MINDY2: variants seen among roughly 807,000 people sequenced by gnomAD.
The protein encoded by MINDY2 is MINDY lysine 48 deubiquitinase 2.
MINDY2 carries 52 observed loss-of-function variants against 68.2 expected under a neutral mutation model. The ratio of observed to expected loss-of-function variants is 0.76; its 90% confidence interval spans 0.61 to 0.96. The LOEUF is 0.96. Ranked by LOEUF, MINDY2 falls within the 40% of genes least tolerant of loss-of-function variation. The probability of loss-of-function intolerance (pLI) is 0.00; values close to 1 mark genes in which losing one functional copy is unlikely to be tolerated. For missense variants in MINDY2, 881 were observed against 773.4 expected (o/e 1.14, Z -1.65); for synonymous variants, 372 against 303.0 (o/e 1.23, Z -2.36).
At chr15:58,805,930 C>T (rs571630378) in intron 3 of MINDY2, among the ~76,000 whole-genome samples, 40 of 152,228 alleles carry the variant, frequency 2.6e-4, no homozygotes, top group Non-Finnish European at 4.4e-4. Context: ...AAAAAATTAG[C>T]TGGGCGTGGT....
chr15:58,806,470 A>G (rs891075584), intron 3 of MINDY2, among the ~76,000 whole-genome samples: 1 of 148,734 alleles, frequency 6.7e-6, no homozygotes, highest in African/African-American at 2.5e-5. Context: ...TGATCTGCTC[A>G]CTTCAGCCTC....
intron 3 of MINDY2, among the ~76,000 whole-genome samples, chr15:58,807,052 A>G (rs754969558): frequency 6.6e-5 from 10 of 152,202 alleles, no homozygotes; most frequent in Non-Finnish European, 1.5e-4. Flanking sequence ...ATTTCATAAA[A>G]CAGAACTTCA....
At chr15:58,831,265 A>G (rs546641767) in intron 5 of MINDY2, among the ~76,000 whole-genome samples, 53 of 152,246 alleles carry the variant, frequency 3.5e-4, no homozygotes, top group Admixed American at 1.2e-3. Context: ...TTTTAGTTTT[A>G]AAGCAAGAAT....
chr15:58,773,639 A>G (rs1900582681), intron 1 of MINDY2, among the ~76,000 whole-genome samples: 2 of 152,156 alleles, frequency 1.3e-5, no homozygotes. Context: ...TTCCTTTGGT[A>G]TGGCGTAGTC....
intron 6 of MINDY2, among the ~76,000 whole-genome samples, chr15:58,840,411 A>C (rs548021722): frequency 1.1e-4 from 16 of 152,248 alleles, no homozygotes; most frequent in Admixed American, 6.5e-5. Flanking sequence ...TTAGCAAACT[A>C]AAATCCATCT....
chr15:58,775,977 C>G (rs1900747885), intron 1 of MINDY2, among the ~76,000 whole-genome samples: 1 of 151,158 alleles, frequency 6.6e-6, no homozygotes, highest in South Asian at 2.1e-4. Flanking sequence ...ATTCTCCTGT[C>G]TCAGCCTCTC....
At position 58,813,844 on chromosome 15, in the gene MINDY2, A is replaced by G. The variant is rs117199150; in HGVS notation, c.1122+3456A>G. On this transcript the variant is annotated intron_variant, in intron 4 of 8. Transcript: ENST00000559228. Reference sequence around the variant, plus strand: ...CATATGAGTGATCCAGTTTCTCTGCATCTTCATCAGCACTTAATGTTGTCA... The same window carrying G: ...CATATGAGTGATCCAGTTTCTCTGCGTCTTCATCAGCACTTAATGTTGTCA... Among the ~76,000 whole-genome samples the G allele has an allele frequency of 4.9e-3, 746 of 151,656 alleles. 8 individuals carry two copies. Among genetic ancestry groups the G allele is most frequent in the Non-Finnish European group, 7.0e-3 (474 of 67,974 alleles).
At chr15:58,847,494 T>G in intron 7 of MINDY2, 24 bp downstream of exon 7, 1 of 1,500,104 alleles carries the variant, frequency 6.7e-7, no homozygotes, top group East Asian at 2.3e-5. Context: ...GTCGTCTTTA[T>G]AGTGGTTAAA....
intron 1 of MINDY2, 111 bp downstream of exon 1, chr15:58,772,346 C>G: frequency 2.1e-6 from 3 of 1,458,738 alleles, no homozygotes; most frequent in Non-Finnish European, 2.8e-6. Flanking sequence ...TTCATCAGTC[C>G]CCTTCTTACA....
chr15:58,774,433 G>A (rs539635499), intron 1 of MINDY2, among the ~76,000 whole-genome samples: 182 of 147,378 alleles, frequency 1.2e-3, no homozygotes, highest in Non-Finnish European at 2.0e-3. Flanking sequence ...GCGGTTAGCC[G>A]AGATCACGCC....
At chr15:58,851,614 C>CT (rs1426988582) in intron 7 of MINDY2, among the ~76,000 whole-genome samples, 157 bp from the exon 8 acceptor site, 2 of 151,852 alleles carry the variant, frequency 1.3e-5, no homozygotes, top group Admixed American at 6.6e-5. Flanking sequence ...GGTTTTTAAA[C>CT]TTTTTTTGTA....
chr15:58,838,118 T>G (rs2032093656), intron 6 of MINDY2, among the ~76,000 whole-genome samples: 1 of 151,796 alleles, frequency 6.6e-6, no homozygotes, highest in Non-Finnish European at 1.5e-5. Flanking sequence ...TCAGGCCAGG[T>G]GTGGTGTGGT....
chr15:58,802,579 G>A (rs1343425757), intron 3 of MINDY2, among the ~76,000 whole-genome samples: 1 of 151,672 alleles, frequency 6.6e-6, no homozygotes, highest in Non-Finnish European at 1.5e-5. Context: ...TCCATTTTTA[G>A]CTCACAGCCA....
At chr15:58,776,228 T>G (rs760372162) in intron 1 of MINDY2, among the ~76,000 whole-genome samples, 1 of 152,160 alleles carries the variant, frequency 6.6e-6, no homozygotes, top group Non-Finnish European at 1.5e-5. Flanking sequence ...TAGTGAGCAA[T>G]AGTTCTCAAC....
chr15:58,785,957 A>C lies in MINDY2; in HGVS notation c.841-1949A>C, dbSNP rs1053565091. ...ACCTCCCGGATTACAGGTGTGAGCC[A>C]CCAGGCCTGACCTGAAATTATTTAA... On this transcript the variant is annotated intron_variant, in intron 1 of 8. Transcript: ENST00000559228. Among the ~76,000 whole-genome samples, 9 of 152,200 alleles carry C rather than the reference A, an allele frequency of 5.9e-5. 1 individual carries two copies. Among genetic ancestry groups the C allele is most frequent in the Admixed American group, 2.6e-4 (4 of 15,272 alleles).
chr15:58,803,671 C>T (rs930775112), intron 3 of MINDY2, among the ~76,000 whole-genome samples: 5 of 151,658 alleles, frequency 3.3e-5, no homozygotes, highest in Admixed American at 3.3e-4. Flanking sequence ...CAAAAATTGG[C>T]CGAGTGTAAT....
intron 2 of MINDY2, among the ~76,000 whole-genome samples, chr15:58,800,281 C>T (rs1005694688): frequency 1.3e-5 from 2 of 152,074 alleles, no homozygotes; most frequent in African/African-American, 4.8e-5. Context: ...TCTGTATGCT[C>T]ATATTTCACA....
chr15:58,843,440 C>G (rs1462743938), intron 6 of MINDY2, among the ~76,000 whole-genome samples: 2 of 152,150 alleles, frequency 1.3e-5, no homozygotes, highest in African/African-American at 4.8e-5. Flanking sequence ...CGTGAGCCAC[C>G]ACACCCGACC....
intron 1 of MINDY2, among the ~76,000 whole-genome samples, chr15:58,785,135 CAAAAAA>C (rs397719705): frequency 1.0e-4 from 7 of 68,456 alleles, no homozygotes; most frequent in East Asian, 4.6e-4. Context: ...TGAAGGAAAG[CAAAAAA>C]AAAAAAAAAA....
Sources: gnomAD v4.1 joint callset for allele counts (sites outside exome capture counted in the v4.1 genomes callset) on GRCh38, gnomAD v4.1.1 for gene constraint, MANE v1.5 for transcripts, NCBI Gene and HGNC (gene_info 2026-07-23, HGNC 2026-07-21) for gene names.